The following HMG20A variants were observed in gnomAD, a reference collection of about 807,000 sequenced individuals.
The protein encoded by HMG20A is high mobility group protein 20A.
HMG20A carries 17 observed loss-of-function variants against 43.9 expected under a neutral mutation model. That is an observed-to-expected ratio of 0.39 (90% CI 0.27 to 0.58). HMG20A has a LOEUF of 0.58. Among genes scored for constraint, HMG20A ranks in the 20% least tolerant of loss-of-function variants. HMG20A has a pLI of 0.59. For synonymous variants in HMG20A, 132 were observed against 147.5 expected, an observed-to-expected ratio of 0.89 and a Z score of 0.76; for missense variants, 341 against 438.2, an observed-to-expected ratio of 0.78 and a Z score of 1.98.
intron 2 of HMG20A, among the ~76,000 whole-genome samples, chr15:77,462,409 C>T (rs756037196): frequency 5.3e-5 from 8 of 152,142 alleles, no homozygotes; most frequent in Admixed American, 4.6e-4. Flanking sequence ...ACTTTTCCTT[C>T]TTCTCACTGT....
chr15:77,467,014 GTTTGTT>G, intron 3 of HMG20A, 75 bp from the exon 4 acceptor site: 1 of 1,167,590 alleles, frequency 8.6e-7, no homozygotes, highest in Admixed American at 2.3e-5. Context: ...GTTTGTTGTT[GTTTGTT>G]TTTGTTGTTG....
rs377509351 is a variant in HMG20A at position 77,453,048 on chromosome 15, C to T, written c.-4-5356C>T. Among the ~76,000 whole-genome samples, 446 of 152,098 alleles carry T rather than the reference C, an allele frequency of 2.9e-3. 2 individuals carry two copies. The highest frequency in any genetic ancestry group is 0.01 in the African/African-American group (424 of 41,496). On this transcript the variant is annotated intron_variant, in intron 1 of 9. Transcript: ENST00000336216. ...TTTGAGACCAGCATGGCCAACATGG[C>T]GAAACCCTGTCTCTACTAAAAATAC...
rs757076940 is a variant in HMG20A, at chr15:77,467,101, A to G, written c.244A>G (p.Ser82Gly). ...ATTTTGTTTTGTTTTGTAGCAACGAAGTAAACGAGGAGGTTGGTCCAAAGG... is the reference window on the plus strand; with the variant it reads ...ATTTTGTTTTGTTTTGTAGCAACGAGGTAAACGAGGAGGTTGGTCCAAAGG... ...NEQRHEDEQRSKRGGWSKGRK... is the reference protein window; with the variant it reads ...NEQRHEDEQRGKRGGWSKGRK... Residue 82 changes from serine to glycine, a missense_variant, in exon 4 of 10, where the codon AGT becomes GGT. By Grantham distance (56) the Ser-to-Gly change is moderately conservative. This residue lies in a region of HMG20A where 220 missense variants were observed against 263.6 expected (regional missense o/e 0.83). Coordinates refer to ENST00000336216, the MANE Select transcript of HMG20A (RefSeq NM_001304504.2). 5.0e-6 allele frequency: 8 copies of G among 1,612,542 alleles called. No individual in the cohort carries two copies. In the Admixed American group the frequency reaches 6.7e-5, roughly 13 times the overall value.
chr15:77,424,260 G>A (rs1294539193), intron 1 of HMG20A, among the ~76,000 whole-genome samples: 7 of 152,104 alleles, frequency 4.6e-5, no homozygotes, highest in African/African-American at 1.7e-4. Flanking sequence ...TAAATATGCA[G>A]TCCCTTTCAT....
chr15:77,478,882 A>G (rs1448569856), intron 8 of HMG20A, among the ~76,000 whole-genome samples: 1 of 152,242 alleles, frequency 6.6e-6, no homozygotes, highest in Non-Finnish European at 1.5e-5. Context: ...GAGAATGAAC[A>G]CTGGTATTTC....
chr15:77,444,981 G>A (rs761674947), intron 1 of HMG20A, among the ~76,000 whole-genome samples: 2 of 151,228 alleles, frequency 1.3e-5, no homozygotes, highest in South Asian at 2.1e-4. Context: ...CTCTGCTATC[G>A]AGCATCCTCT....
chr15:77,503,006 G>A, the HMG20A span, among the ~76,000 whole-genome samples: 2 of 152,064 alleles, frequency 1.3e-5, no homozygotes, highest in African/African-American at 4.8e-5. Context: ...AATCAGTGTT[G>A]ATGTACTCCT....
the HMG20A span, among the ~76,000 whole-genome samples, chr15:77,508,318 G>A: frequency 6.6e-6 from 1 of 152,170 alleles, no homozygotes; most frequent in African/African-American, 2.4e-5. Context: ...CAGAGCAGAA[G>A]CTAAGGACCC....
chr15:77,445,534 A>C (rs1003126775), intron 1 of HMG20A, among the ~76,000 whole-genome samples: 2 of 152,164 alleles, frequency 1.3e-5, no homozygotes, highest in African/African-American at 4.8e-5. Context: ...TCACAGATTT[A>C]TCTTTACTGT....
the HMG20A span, among the ~76,000 whole-genome samples, chr15:77,498,601 T>A: frequency 1.3e-5 from 2 of 152,096 alleles, no homozygotes; most frequent in African/African-American, 4.8e-5. Flanking sequence ...AACTCTGGGG[T>A]TCACATCCGG....
intron 1 of HMG20A, among the ~76,000 whole-genome samples, chr15:77,441,518 G>A (rs975762762): frequency 2.6e-5 from 4 of 152,078 alleles, no homozygotes; most frequent in Non-Finnish European, 5.9e-5. Context: ...TTCATGAACA[G>A]GTGAAAAAAC....
At chr15:77,464,645 G>C in intron 3 of HMG20A, 1 of 311,678 alleles carries the variant, frequency 3.2e-6, no homozygotes, top group South Asian at 3.7e-5. Context: ...AATACTTGTT[G>C]AATGAGTGAA....
At chr15:77,502,018 C>G in the HMG20A span, among the ~76,000 whole-genome samples, 1 of 152,074 alleles carries the variant, frequency 6.6e-6, no homozygotes, top group Non-Finnish European at 1.5e-5. Context: ...GGTCCATGAG[C>G]CAAATCTGGC....
chr15:77,436,552 AG>A (rs1458318404), intron 1 of HMG20A, among the ~76,000 whole-genome samples: 2 of 151,374 alleles, frequency 1.3e-5, no homozygotes, highest in Non-Finnish European at 2.9e-5. Context: ...TCTGCCTCCC[AG>A]GTTCAAGCAA....
rs1355788557 is a variant in HMG20A, at chr15:77,477,563, A to G, written c.624A>G (p.Thr208=). 1.2e-6 allele frequency: 2 copies of G among 1,609,566 alleles called. No homozygotes were observed. Among genetic ancestry groups the G allele is most frequent in the East Asian group, 4.5e-5 (2 of 44,828 alleles). ...TTCCTCTTGATTCACAGAAAGAAAC[A>G]GAGGTAAAGGAACGGTCTGTTTTTG... ...RQATHDHEKE[T]EVKERSVFDI... The change falls in exon 7 of 10, where the codon ACA becomes ACG. Residue 208 remains threonine (T), a synonymous_variant. Transcript: ENST00000336216.
chr15:77,445,933 A>G (rs114030066), intron 1 of HMG20A, among the ~76,000 whole-genome samples: 3,062 of 152,350 alleles, frequency 0.02, 102 homozygotes, highest in African/African-American at 0.068. Context: ...TTTGGACTGC[A>G]GTTGACCATG....
downstream of HMG20A, among the ~76,000 whole-genome samples, chr15:77,489,162 G>C (rs1490810266): frequency 6.6e-6 from 1 of 152,206 alleles, no homozygotes; most frequent in African/African-American, 2.4e-5. Context: ...TTAAATATAA[G>C]TTGTTATAAT....
the HMG20A span, among the ~76,000 whole-genome samples, chr15:77,492,141 C>A: frequency 1.3e-5 from 2 of 152,182 alleles, no homozygotes; most frequent in African/African-American, 2.4e-5. Context: ...TAAAATATAG[C>A]TAACAAAATA....
intron 2 of HMG20A, among the ~76,000 whole-genome samples, chr15:77,463,764 G>T (rs1181781201): frequency 6.6e-6 from 1 of 152,198 alleles, no homozygotes; most frequent in Non-Finnish European, 1.5e-5. Flanking sequence ...AATCCAAGAA[G>T]AAATAGCCAA....
Sources: allele counts gnomAD v4.1 joint callset (sites outside exome capture counted in the v4.1 genomes callset), GRCh38; gene constraint gnomAD v4.1.1; regional missense constraint gnomAD v4.1.1; transcripts MANE v1.5; gene names NCBI Gene and HGNC (gene_info 2026-07-23, HGNC 2026-07-21).